TNPO1: variants seen among roughly 807,000 people sequenced by gnomAD.
TNPO1 encodes transportin 1.
Under a neutral mutation model 119.5 loss-of-function variants are expected in TNPO1, and 8 were observed. The ratio of observed to expected loss-of-function variants is 0.07; its 90% CI spans 0.04 to 0.12. TNPO1 has a LOEUF of 0.12. Ranked by LOEUF, TNPO1 falls within the 10% of genes least tolerant of loss-of-function variation. The pLI, the probability that TNPO1 is intolerant of heterozygous loss-of-function variation, is 1.00. For missense variants in TNPO1, 576 were observed against 1,089.8 expected, an observed-to-expected ratio of 0.53 and a Z score of 6.64; for synonymous variants, 362 against 363.0, an observed-to-expected ratio of 1.00 and a Z score of 0.03.
At chr5:72,821,552 G>T (rs1323572076) in intron 1 of TNPO1, among the ~76,000 whole-genome samples, 1 of 152,092 alleles carries the variant, frequency 6.6e-6, no homozygotes, top group Non-Finnish European at 1.5e-5. Flanking sequence ...ATTTTGACTG[G>T]AGCATAGCAG....
At chr5:72,858,956 T>G (rs1746219218) in intron 4 of TNPO1, among the ~76,000 whole-genome samples, 1 of 151,434 alleles carries the variant, frequency 6.6e-6, no homozygotes, top group Non-Finnish European at 1.5e-5. Flanking sequence ...TGGGAAGGTT[T>G]TTTTTTTTTT....
chr5:72,888,849 C>A (rs978546723), intron 13 of TNPO1, among the ~76,000 whole-genome samples: 1 of 152,228 alleles, frequency 6.6e-6, no homozygotes, highest in South Asian at 2.1e-4. Context: ...CTCTAGTAGC[C>A]ATTCTATTGG....
chr5:72,882,601 A>G, intron 10 of TNPO1, 74 bp downstream of exon 10: 1 of 1,066,802 alleles, frequency 9.4e-7, no homozygotes. Flanking sequence ...TTTGGCCAAT[A>G]AAACATTCAT....
At chr5:72,839,325 C>T (rs534229483) in intron 1 of TNPO1, among the ~76,000 whole-genome samples, 1 of 152,232 alleles carries the variant, frequency 6.6e-6, no homozygotes, top group South Asian at 2.1e-4. Flanking sequence ...TCTAGTTACT[C>T]ATAAGTTGAT....
intron 20 of TNPO1, 120 bp downstream of exon 20, chr5:72,897,271 C>G (rs1749496696): frequency 1.6e-6 from 1 of 635,162 alleles, no homozygotes; most frequent in Non-Finnish European, 2.7e-6. Flanking sequence ...TATTTAATTG[C>G]TATTTCGGAT....
chr5:72,879,869 C>T lies in TNPO1; in HGVS notation c.920+2523C>T, dbSNP rs188666937. On this transcript the variant is annotated intron_variant, in intron 9 of 24. Coordinates refer to ENST00000337273, the MANE Select transcript of TNPO1 (RefSeq NM_002270.4). ...TAAAATTGTGTGTGTTACAAGATCA[C>T]TCATAAATATAAACTCATTTAGAAA... Among the ~76,000 whole-genome samples the T allele has an allele frequency of 5.3e-4, 81 of 152,280 alleles. No homozygotes were observed. In the Middle Eastern group the frequency reaches 0.01, roughly 19 times the overall value.
At chr5:72,843,928 C>T (rs1372087402) in intron 1 of TNPO1, among the ~76,000 whole-genome samples, 1 of 152,156 alleles carries the variant, frequency 6.6e-6, no homozygotes, top group African/African-American at 2.4e-5. Flanking sequence ...CCTCTCTCAC[C>T]AAATGAGAAC....
intron 1 of TNPO1, among the ~76,000 whole-genome samples, chr5:72,819,030 G>A (rs1743826726): frequency 6.6e-6 from 1 of 152,188 alleles, no homozygotes; most frequent in Admixed American, 6.5e-5. Flanking sequence ...AATCCGTATT[G>A]TGTTGCTGTA....
chr5:72,887,759 A>T (rs1246528296), intron 12 of TNPO1, among the ~76,000 whole-genome samples: 2 of 151,768 alleles, frequency 1.3e-5, no homozygotes, highest in South Asian at 2.1e-4. Flanking sequence ...CCATTGCTTT[A>T]AAAAAAAATC....
chr5:72,884,933 C>G (rs899560210), intron 11 of TNPO1, among the ~76,000 whole-genome samples: 20 of 152,170 alleles, frequency 1.3e-4, no homozygotes, highest in Non-Finnish European at 2.9e-5. Context: ...CAGTTTAGAG[C>G]CACTACTCTA....
intron 24 of TNPO1, among the ~76,000 whole-genome samples, chr5:72,907,717 G>A (rs2112515365): frequency 6.6e-6 from 1 of 152,252 alleles, no homozygotes; most frequent in Middle Eastern, 3.4e-3. Context: ...AAGTGAAATA[G>A]GATCAGAATG....
intron 14 of TNPO1, among the ~76,000 whole-genome samples, chr5:72,890,947 G>A (rs1464357407): frequency 3.3e-5 from 5 of 151,852 alleles, no homozygotes; most frequent in South Asian, 2.1e-4. Flanking sequence ...TCCACCTCCC[G>A]GGCTCAAGCG....
At position 72,865,699 on chromosome 5, in the gene TNPO1, A is replaced by G; in HGVS notation, c.566A>G (p.Gln189Arg). Residue 189 changes from glutamine to arginine, a missense_variant, in exon 6 of 25, where the codon CAG becomes CGG. Coordinates refer to ENST00000337273, the MANE Select transcript of TNPO1 (RefSeq NM_002270.4). ...AACATCATGATTCCCAAATTTTTAC[A>G]GTTCTTCAAGCATAGTAGTCCAAAA... ...PLNIMIPKFL[Q>R]FFKHSSPKIR... 6.2e-7 allele frequency: 1 copy of G among 1,613,888 alleles called. No individual in the cohort carries two copies. Among genetic ancestry groups the G allele is most frequent in the Non-Finnish European group, 8.5e-7 (1 of 1,179,892 alleles).
chr5:72,864,132 C>CT (rs576375299), intron 5 of TNPO1, among the ~76,000 whole-genome samples: 16 of 151,188 alleles, frequency 1.1e-4, no homozygotes, highest in African/African-American at 2.7e-4. Context: ...AGAAGTAAAG[C>CT]TTTTTTAAAA....
intron 3 of TNPO1, among the ~76,000 whole-genome samples, chr5:72,851,749 C>G (rs1332782731): frequency 6.6e-6 from 1 of 152,236 alleles, no homozygotes; most frequent in African/African-American, 2.4e-5. Flanking sequence ...CTGCCGCAGT[C>G]TCCCAAAGTG....
At chr5:72,883,685 T>G (rs1403572836) in intron 11 of TNPO1, among the ~76,000 whole-genome samples, 2 of 152,184 alleles carry the variant, frequency 1.3e-5, no homozygotes, top group Non-Finnish European at 2.9e-5. Context: ...AGCTGTTGAG[T>G]TGTGATGCTA....
intron 1 of TNPO1, among the ~76,000 whole-genome samples, chr5:72,828,299 A>C (rs1744293099): frequency 6.6e-6 from 1 of 152,172 alleles, no homozygotes. Flanking sequence ...ACTATTTACA[A>C]CTTTCAAGAT....
intron 1 of TNPO1, among the ~76,000 whole-genome samples, chr5:72,842,724 T>G (rs1460672405): frequency 6.6e-6 from 1 of 152,220 alleles, no homozygotes; most frequent in Non-Finnish European, 1.5e-5. Context: ...TGACACATTC[T>G]AAAAATTAAC....
chr5:72,826,393 T>C (rs1744207297), intron 1 of TNPO1, among the ~76,000 whole-genome samples: 1 of 152,184 alleles, frequency 6.6e-6, no homozygotes, highest in African/African-American at 2.4e-5. Context: ...GACATATATA[T>C]GTGGCCTGCA....
Sources: allele counts gnomAD v4.1 joint callset (sites outside exome capture counted in the v4.1 genomes callset), GRCh38; gene constraint gnomAD v4.1.1; transcripts MANE v1.5; gene names NCBI Gene and HGNC (gene_info 2026-07-23, HGNC 2026-07-21).